Variants in COL19A1 observed in about 807,000 individuals in gnomAD.
COL19A1 encodes collagen type XIX alpha 1 chain.
COL19A1 carries 159 observed loss-of-function variants against 190.2 expected under a neutral mutation model. The ratio of observed to expected loss-of-function variants is 0.84; its 90% confidence interval spans 0.73 to 0.95. The LOEUF is 0.95. COL19A1 is among the 40% of genes least tolerant of loss of function. The pLI, the probability that COL19A1 is intolerant of heterozygous loss-of-function variation, is 0.00. For synonymous variants in COL19A1, 509 were observed against 458.9 expected (o/e 1.11, Z -1.39); for missense variants, 1,418 against 1,431.9 (o/e 0.99, Z 0.16).
intron 15 of COL19A1, among the ~76,000 whole-genome samples, chr6:70,084,626 TC>T (rs1442218703): frequency 2.0e-5 from 3 of 152,194 alleles, no homozygotes; most frequent in South Asian, 2.1e-4. Context: ...CTTGATTCAT[TC>T]CCCTACTAAT....
intron 15 of COL19A1, among the ~76,000 whole-genome samples, chr6:70,080,830 A>C (rs1052349849): frequency 5.9e-5 from 9 of 152,174 alleles, no homozygotes; most frequent in Non-Finnish European, 1.3e-4. Context: ...CCTGTGTTTT[A>C]TCAGTAAGTC....
intron 39 of COL19A1, 35 bp downstream of exon 39, chr6:70,168,250 G>C (rs748049813): frequency 6.2e-7 from 1 of 1,603,488 alleles, no homozygotes; most frequent in East Asian, 2.2e-5. Flanking sequence ...ACACACTTTA[G>C]CTGAACAACC....
chr6:70,184,377 CTATT>C (rs1766375729), intron 44 of COL19A1, among the ~76,000 whole-genome samples: 2 of 152,166 alleles, frequency 1.3e-5, no homozygotes, highest in Non-Finnish European at 2.9e-5. Context: ...TCTTTGTTGA[CTATT>C]TATAGAGGAC....
intron 1 of COL19A1, among the ~76,000 whole-genome samples, chr6:69,867,017 C>A (rs114945304): frequency 0.018 from 2,691 of 150,918 alleles, 79 homozygotes; most frequent in African/African-American, 0.062. Flanking sequence ...TAGGGACAGA[C>A]ATCAAATACA....
chr6:70,122,018 A>G, intron 17 of COL19A1, 76 bp downstream of exon 17: 1 of 910,772 alleles, frequency 1.1e-6, no homozygotes, highest in Non-Finnish European at 1.7e-6. Flanking sequence ...AAAACTTATT[A>G]ATTCCTAACT....
chr6:70,035,767 C>T (rs1193766931), intron 13 of COL19A1, 137 bp from the exon 14 acceptor site: 3 of 654,668 alleles, frequency 4.6e-6, no homozygotes, highest in Non-Finnish European at 7.8e-6. Context: ...TATGCAGAGA[C>T]TTTTATCAGG....
intron 14 of COL19A1, among the ~76,000 whole-genome samples, chr6:70,041,708 A>T (rs1206202275): frequency 6.6e-6 from 1 of 152,128 alleles, no homozygotes; most frequent in Non-Finnish European, 1.5e-5. Context: ...AATCTAGTTT[A>T]AAAAATTATA....
chr6:70,120,392 C>T (rs1468648440), intron 16 of COL19A1, among the ~76,000 whole-genome samples: 2 of 152,122 alleles, frequency 1.3e-5, no homozygotes, highest in Non-Finnish European at 2.9e-5. Flanking sequence ...TATATGTTTG[C>T]AGAAGGATCA....
At chr6:69,867,898 G>C (rs934066664) in intron 1 of COL19A1, among the ~76,000 whole-genome samples, 1 of 151,992 alleles carries the variant, frequency 6.6e-6, no homozygotes. Flanking sequence ...AGTGATCATC[G>C]GCCACAGCTT....
chr6:69,922,301 A>G (rs1772027922), intron 4 of COL19A1, among the ~76,000 whole-genome samples: 1 of 151,632 alleles, frequency 6.6e-6, no homozygotes, highest in Non-Finnish European at 1.5e-5. Context: ...ATTAAAATCA[A>G]TTATTCCTTA....
chr6:69,878,164 T>C (rs2149941596), intron 1 of COL19A1, among the ~76,000 whole-genome samples: 1 of 151,930 alleles, frequency 6.6e-6, no homozygotes, highest in Middle Eastern at 3.4e-3. Flanking sequence ...TGAGATACCA[T>C]CTGACACCCA....
chr6:70,002,301 A>G (rs1191604449), intron 11 of COL19A1, among the ~76,000 whole-genome samples: 1 of 152,196 alleles, frequency 6.6e-6, no homozygotes, highest in Non-Finnish European at 1.5e-5. Flanking sequence ...ATTGATGTTC[A>G]TCAGGGATAT....
At chr6:69,904,666 A>C (rs1379122727) in intron 4 of COL19A1, among the ~76,000 whole-genome samples, 2 of 152,110 alleles carry the variant, frequency 1.3e-5, no homozygotes, top group African/African-American at 4.8e-5. Context: ...GCAGTGGTGG[A>C]GCCCCCTCCT....
intron 29 of COL19A1, 22 bp downstream of exon 29, chr6:70,149,926 C>T (rs1158244692): frequency 6.2e-7 from 1 of 1,613,672 alleles, no homozygotes; most frequent in Non-Finnish European, 8.5e-7. Flanking sequence ...CTTTATCTAC[C>T]CTCCCCCATT....
intron 4 of COL19A1, among the ~76,000 whole-genome samples, chr6:69,921,356 A>AATCATATAC (rs2150000049): frequency 2.2e-5 from 2 of 90,364 alleles, no homozygotes; most frequent in South Asian, 6.8e-4. Flanking sequence ...CATATATCAT[A>AATCATATAC]ATCATATATA....
intron 33 of COL19A1, 65 bp downstream of exon 33, chr6:70,156,434 G>T: frequency 2.0e-6 from 3 of 1,483,748 alleles, no homozygotes; most frequent in South Asian, 1.2e-5. Context: ...AAAAGAACCC[G>T]ATTTGAAAAT....
chr6:69,961,136 A>G (rs1260573969), intron 10 of COL19A1, among the ~76,000 whole-genome samples: 1 of 152,170 alleles, frequency 6.6e-6, no homozygotes, highest in African/African-American at 2.4e-5. Flanking sequence ...CAAGCATATC[A>G]TTTCTGTGCT....
chr6:70,094,327 C>T (rs1047941049), intron 15 of COL19A1, among the ~76,000 whole-genome samples: 6 of 152,178 alleles, frequency 3.9e-5, no homozygotes, highest in Non-Finnish European at 8.8e-5. Context: ...GTGTGCCAGT[C>T]AAGGCCCTGT....
intron 11 of COL19A1, among the ~76,000 whole-genome samples, chr6:69,997,462 C>A (rs9454935): frequency 0.21 from 32,192 of 152,156 alleles, 5,597 homozygotes; most frequent in African/African-American, 0.47. Context: ...TATTGTAAAT[C>A]TGTTCAAGGA....
Sources: allele counts gnomAD v4.1 joint callset (sites outside exome capture counted in the v4.1 genomes callset), GRCh38; gene constraint gnomAD v4.1.1; transcripts MANE v1.5; gene names NCBI Gene and HGNC (gene_info 2026-07-23, HGNC 2026-07-21).